The following NTM variants were observed in gnomAD, a reference collection of about 807,000 sequenced individuals.
The protein encoded by NTM is neurotrimin.
A neutral mutation model predicts 42.1 loss-of-function variants in NTM; 13 were observed. The observed-to-expected ratio is 0.31, with a 90% CI of 0.20 to 0.49. The LOEUF is 0.49. Among genes scored for constraint, NTM ranks in the 20% least tolerant of loss-of-function variants. The pLI is 0.99. For missense variants in NTM, 373 were observed against 452.8 expected, an observed-to-expected ratio of 0.82 and a Z score of 1.60; for synonymous variants, 187 against 179.2, an observed-to-expected ratio of 1.04 and a Z score of -0.35.
At chr11:131,495,598 C>G (rs1955255611) in intron 1 of NTM, among the ~76,000 whole-genome samples, 1 of 152,242 alleles carries the variant, frequency 6.6e-6, no homozygotes, top group Admixed American at 6.5e-5. Context: ...CTTCTCTTGG[C>G]TCAGGTGCTG....
At chr11:132,201,207 C>T (rs1392701510) in intron 3 of NTM, among the ~76,000 whole-genome samples, 1 of 152,172 alleles carries the variant, frequency 6.6e-6, no homozygotes, top group African/African-American at 2.4e-5. Context: ...GCACCCTCTA[C>T]CCATGAGTTT....
intron 1 of NTM, among the ~76,000 whole-genome samples, chr11:131,550,501 T>C (rs1303334733): frequency 3.9e-5 from 6 of 152,176 alleles, no homozygotes; most frequent in African/African-American, 1.4e-4. Context: ...TGTTTCAAGG[T>C]ATGCAGCACC....
intron 4 of NTM, among the ~76,000 whole-genome samples, chr11:132,280,649 C>A (rs2093941925): frequency 6.6e-6 from 1 of 151,950 alleles, no homozygotes; most frequent in South Asian, 2.1e-4. Flanking sequence ...CCACACCCAG[C>A]TGATTTTTGT....
At position 132,213,891 on chromosome 11, in the gene NTM, C is replaced by T. The variant is rs918968589; in HGVS notation, c.526+1744C>T. On this transcript the variant is annotated intron_variant, in intron 4 of 8. Coordinates refer to ENST00000683400, the MANE Select transcript of NTM (RefSeq NM_001352005.2). ...CTGGGACTACAGGCGCCCGCCACTA[C>T]GCCCGGCTAATTTTTTGTATTTTTA... Among the ~76,000 whole-genome samples the T allele has an allele frequency of 2.6e-5, 3 of 116,788 alleles. 1 individual carries two copies. The highest frequency in any genetic ancestry group is 5.8e-5 in the Non-Finnish European group (3 of 51,350). The allele number at this position is 116,788 out of a possible 152,430, so 76.6% of individuals were successfully genotyped here. A position where few individuals can be genotyped will look rare whatever the true frequency, so the allele number is the denominator to read the frequency against.
chr11:131,480,069 G>GT (rs2136228482), intron 1 of NTM, among the ~76,000 whole-genome samples: 3 of 148,036 alleles, frequency 2.0e-5, no homozygotes, highest in Admixed American at 6.7e-5. Flanking sequence ...TTCATCATAG[G>GT]TTTTTTGCAT....
At position 132,159,457 on chromosome 11, in the gene NTM, T is replaced by C. The variant is rs147159566; in HGVS notation, c.400+12943T>C. Among the ~76,000 whole-genome samples, 759 of 152,366 alleles carry C rather than the reference T, an allele frequency of 5.0e-3. 1 individual carries two copies. The highest frequency in any genetic ancestry group is 9.1e-3 in the South Asian group (44 of 4,830). ...CAGACTTTGTTTCTGTTTGGAATTC[T>C]GGGAATATCGCCTTTGGATTATGGA... On this transcript the variant is annotated intron_variant, in intron 3 of 8. Coordinates refer to ENST00000683400, the MANE Select transcript of NTM (RefSeq NM_001352005.2).
At chr11:131,823,853 A>G (rs1367822601) in intron 1 of NTM, among the ~76,000 whole-genome samples, 1 of 152,208 alleles carries the variant, frequency 6.6e-6, no homozygotes. Context: ...ACTTTGGCCT[A>G]TGTTTGCATT....
rs1273663720 is a variant in NTM, at chr11:132,310,227, C to A, written c.777C>A (p.Asp259Glu). Residue 259 changes from aspartate to glutamate, a missense_variant, in exon 6 of 9, where the codon GAC (aspartate) becomes GAA (glutamate). Transcript: ENST00000683400. Reference protein sequence around the residue: ...PSAEFQWYKDDKRLIEGKKGV... With the variant: ...PSAEFQWYKDEKRLIEGKKGV... ...CAGAATTCCAGTGGTACAAGGATGA[C>A]AAAAGGTAAAGCTTCCTTCTTTCCT... The A allele has an allele frequency of 6.3e-7, 1 of 1,598,324 alleles. No individual in the cohort carries two copies. Among genetic ancestry groups the A allele is most frequent in the Admixed American group, 1.8e-5 (1 of 56,382 alleles).
chr11:131,494,360 C>A (rs58153180), intron 1 of NTM, among the ~76,000 whole-genome samples: 3 of 152,008 alleles, frequency 2.0e-5, no homozygotes, highest in African/African-American at 4.8e-5. Flanking sequence ...CAATAGAGTA[C>A]GGTAGGAACA....
intron 2 of NTM, among the ~76,000 whole-genome samples, chr11:132,020,871 G>T (rs957103449): frequency 4.6e-5 from 7 of 151,986 alleles, no homozygotes; most frequent in African/African-American, 1.2e-4. Flanking sequence ...ATATGTCAAG[G>T]TGTGGCTCTT....
At position 132,336,723 on chromosome 11, in the gene NTM, G is replaced by A. The variant is rs535761119; in HGVS notation, c.*1577G>A. 1 of 152,148 alleles carries A rather than the reference G, an allele frequency of 6.6e-6. No individual in the cohort carries two copies. Among genetic ancestry groups the A allele is most frequent in the African/African-American group, 2.4e-5 (1 of 41,460 alleles). The allele number at this position is 152,148 out of a possible 1,614,324, so 9.4% of individuals were successfully genotyped here. ...GTCTGGGAACCTGAGAGTCCTCGGG[G>A]AGGGGTCCTGGATGTGATGAGGGAA... On this transcript the variant is annotated 3_prime_UTR_variant, in exon 9 of 9. Coordinates refer to ENST00000683400, the MANE Select transcript of NTM (RefSeq NM_001352005.2).
chr11:132,027,893 T>C (rs2075394736), intron 2 of NTM, among the ~76,000 whole-genome samples: 1 of 152,222 alleles, frequency 6.6e-6, no homozygotes, highest in Non-Finnish European at 1.5e-5. Flanking sequence ...CTTTTGTAGT[T>C]GGATATTCTG....
At chr11:131,968,300 G>A (rs1001743484) in intron 2 of NTM, among the ~76,000 whole-genome samples, 8 of 152,168 alleles carry the variant, frequency 5.3e-5, no homozygotes, top group African/African-American at 1.9e-4. Context: ...TCTCCACGGT[G>A]TTTGCTCTCT....
At chr11:132,331,509 G>A (rs1410207309) in intron 8 of NTM, among the ~76,000 whole-genome samples, 1 of 152,172 alleles carries the variant, frequency 6.6e-6, no homozygotes, top group Admixed American at 6.5e-5. Flanking sequence ...ACAATTTTAA[G>A]CAAAAGTAAA....
chr11:132,190,487 C>T (rs1210038498), intron 3 of NTM, among the ~76,000 whole-genome samples: 2 of 152,064 alleles, frequency 1.3e-5, no homozygotes, highest in Non-Finnish European at 2.9e-5. Context: ...CCTGTAATCC[C>T]AGCACTTTGG....
chr11:131,930,558 C>T (rs899956036), intron 2 of NTM, among the ~76,000 whole-genome samples: 2 of 152,070 alleles, frequency 1.3e-5, no homozygotes, highest in African/African-American at 4.8e-5. Context: ...AAACATAATA[C>T]ATTGATCACC....
intron 1 of NTM, among the ~76,000 whole-genome samples, chr11:131,542,048 C>T (rs1016746472): frequency 6.6e-6 from 1 of 152,146 alleles, no homozygotes; most frequent in African/African-American, 2.4e-5. Context: ...GCATGCCAGG[C>T]ACCAGATCTA....
chr11:131,600,476 A>G lies in NTM; in HGVS notation c.82+229588A>G, dbSNP rs1046814806. Among the ~76,000 whole-genome samples the G allele has an allele frequency of 3.9e-5, 6 of 152,196 alleles. No individual in the cohort carries two copies. The South Asian group carries it at 8.3e-4, about 21-fold the overall frequency. On this transcript the variant is annotated intron_variant, in intron 1 of 8. Transcript: ENST00000683400. Reference sequence around the variant, plus strand: ...ATCCATTTCATTCCATTTAGCAGCAATGGGCTTTTGGCTGCTGCTTTGTGC... The same window carrying G: ...ATCCATTTCATTCCATTTAGCAGCAGTGGGCTTTTGGCTGCTGCTTTGTGC...
At chr11:131,744,627 A>T (rs538498497) in intron 1 of NTM, among the ~76,000 whole-genome samples, 13 of 152,172 alleles carry the variant, frequency 8.5e-5, no homozygotes, top group South Asian at 6.2e-4. Context: ...GTTTTTTTTA[A>T]AAAAAAGATG....
Sources: allele counts gnomAD v4.1 joint callset (sites outside exome capture counted in the v4.1 genomes callset), GRCh38; gene constraint gnomAD v4.1.1; transcripts MANE v1.5; gene names NCBI Gene and HGNC (gene_info 2026-07-23, HGNC 2026-07-21).